Variants in SSPN observed in about 807,000 individuals in gnomAD.
SSPN encodes K-ras oncogene-associated protein.
SSPN carries 15 observed loss-of-function variants against 19.1 expected under a neutral mutation model. That is an observed-to-expected ratio of 0.78 (90% CI 0.52 to 1.21). The LOEUF (loss-of-function observed/expected upper bound fraction) is 1.21. Among genes scored for constraint, SSPN ranks in the 50% most tolerant of loss-of-function variants. The pLI is 0.00. For synonymous variants in SSPN, 147 were observed against 140.3 expected, an observed-to-expected ratio of 1.05 and a Z score of -0.34; for missense variants, 291 against 314.0, an observed-to-expected ratio of 0.93 and a Z score of 0.55.
Position 26,201,038 on chromosome 12 carries a change from T to TA in SSPN, c.279+5088dup, listed in dbSNP as rs1565685504. On this transcript the variant is annotated intron_variant, in intron 1 of 2. Coordinates refer to ENST00000242729, the MANE Select transcript of SSPN (RefSeq NM_005086.5). ...ATATATATATATATATATATATATA[T>TA]ATATATATTATATATATATATTTGG... Among the ~76,000 whole-genome samples, 66 of 59,866 alleles carry TA rather than the reference T, an allele frequency of 1.1e-3. 1 individual carries two copies. The highest frequency in any genetic ancestry group is 1.0e-3 in the Admixed American group (5 of 4,764). 39.3% of individuals were successfully genotyped at this position (59,866 alleles called of 152,430 possible).
At chr12:26,183,748 G>T (rs892044609) in intron 1 of SSPN, among the ~76,000 whole-genome samples, 2 of 152,184 alleles carry the variant, frequency 1.3e-5, no homozygotes, top group African/African-American at 4.8e-5. Flanking sequence ...AGGGAATGCC[G>T]CAAGTTGCTG....
intron 1 of SSPN, among the ~76,000 whole-genome samples, chr12:26,168,798 A>G (rs1272364016): frequency 6.6e-6 from 1 of 152,216 alleles, no homozygotes; most frequent in African/African-American, 2.4e-5. Flanking sequence ...GTGATTGGTT[A>G]GATGGAGGGC....
intron 1 of SSPN, among the ~76,000 whole-genome samples, chr12:26,217,806 A>C (rs1177127131): frequency 6.6e-6 from 1 of 152,022 alleles, no homozygotes; most frequent in Admixed American, 6.6e-5. Context: ...ATTTTGCCAA[A>C]GGCTTTTTCT....
At chr12:26,124,973 C>T (rs1944351285) in intron 1 of SSPN, 1 of 663,546 alleles carries the variant, frequency 1.5e-6, no homozygotes, top group Non-Finnish European at 2.7e-6. Context: ...CACACACGCA[C>T]ACACACGCAC....
At chr12:26,211,498 G>A (rs954864269) in intron 1 of SSPN, 1 of 152,184 alleles carries the variant, frequency 6.6e-6, no homozygotes, top group Non-Finnish European at 1.5e-5. Flanking sequence ...TAGTCACTTT[G>A]TGCTGGCACA....
chr12:26,155,503 A>AT (rs1285940146), intron 1 of SSPN, among the ~76,000 whole-genome samples: 1 of 152,192 alleles, frequency 6.6e-6, no homozygotes, highest in African/African-American at 2.4e-5. Context: ...CTCAAAAGCA[A>AT]TAGGTATATT....
chr12:26,215,150 C>T (rs1209925029), intron 1 of SSPN, among the ~76,000 whole-genome samples: 1 of 152,142 alleles, frequency 6.6e-6, no homozygotes, highest in Non-Finnish European at 1.5e-5. Flanking sequence ...CGGTCCCTAC[C>T]ACAGTAAAGG....
chr12:26,230,333 A>G (rs1327157651), intron 2 of SSPN, among the ~76,000 whole-genome samples: 3 of 152,218 alleles, frequency 2.0e-5, no homozygotes, highest in Non-Finnish European at 4.4e-5. Context: ...TTCAGTCTTA[A>G]TATCAGAAGT....
At chr12:26,147,974 ATATT>A (rs770165974) in intron 1 of SSPN, among the ~76,000 whole-genome samples, 7 of 152,238 alleles carry the variant, frequency 4.6e-5, no homozygotes, top group Non-Finnish European at 7.3e-5. Flanking sequence ...ATATATCTTA[ATATT>A]TATTTAATGA....
intron 1 of SSPN, among the ~76,000 whole-genome samples, chr12:26,137,636 G>GTGTATATATATATATATATATATATATA (rs1555175653): frequency 3.2e-5 from 1 of 31,380 alleles, no homozygotes; most frequent in African/African-American, 1.3e-4. Flanking sequence ...GTGTGTGTAT[G>GTGTATATATATATATATATATATATATA]TATATATATA....
intron 1 of SSPN, among the ~76,000 whole-genome samples, chr12:26,169,032 A>G (rs1319732934): frequency 3.2e-5 from 1 of 31,570 alleles, no homozygotes; most frequent in Non-Finnish European, 5.3e-5. Flanking sequence ...CCTCATTTTG[A>G]AAAAAAAAAC....
At chr12:26,204,103 A>G (rs1274299636) in intron 1 of SSPN, among the ~76,000 whole-genome samples, 1 of 152,126 alleles carries the variant, frequency 6.6e-6, no homozygotes, top group African/African-American at 2.4e-5. Flanking sequence ...AGGGTTATAC[A>G]TTTGCACAGC....
intron 1 of SSPN, among the ~76,000 whole-genome samples, chr12:26,189,144 A>G (rs1319412526): frequency 3.3e-5 from 5 of 152,196 alleles, no homozygotes; most frequent in Non-Finnish European, 7.3e-5. Flanking sequence ...TTCATAGCCT[A>G]TAAAGATACA....
chr12:26,128,303 C>G (rs972510665), intron 1 of SSPN, among the ~76,000 whole-genome samples: 1 of 152,176 alleles, frequency 6.6e-6, no homozygotes, highest in Non-Finnish European at 1.5e-5. Flanking sequence ...AGCATTGGAG[C>G]TGATGACAGA....
chr12:26,133,469 G>T (rs1477693761), intron 1 of SSPN, among the ~76,000 whole-genome samples: 1 of 152,022 alleles, frequency 6.6e-6, no homozygotes, highest in African/African-American at 2.4e-5. Context: ...TAACAGTTAG[G>T]GTCTAGTAAG....
chr12:26,142,253 A>G (rs889177737), intron 1 of SSPN, among the ~76,000 whole-genome samples: 17 of 152,306 alleles, frequency 1.1e-4, no homozygotes, highest in African/African-American at 4.1e-4. Context: ...ATGTATTCTG[A>G]TGACACTGTT....
At chr12:26,132,762 A>C (rs1489085689) in intron 1 of SSPN, among the ~76,000 whole-genome samples, 1 of 152,088 alleles carries the variant, frequency 6.6e-6, no homozygotes, top group Non-Finnish European at 1.5e-5. Flanking sequence ...ACCTCCCTTG[A>C]CAAGTATGAT....
At chr12:26,219,911 T>C (rs983213311) in intron 1 of SSPN, among the ~76,000 whole-genome samples, 1 of 152,126 alleles carries the variant, frequency 6.6e-6, no homozygotes, top group African/African-American at 2.4e-5. Context: ...CCTTTTCCTG[T>C]GCCATGGGCT....
At chr12:26,133,276 T>C (rs1944406311) in intron 1 of SSPN, among the ~76,000 whole-genome samples, 1 of 152,138 alleles carries the variant, frequency 6.6e-6, no homozygotes, top group African/African-American at 2.4e-5. Flanking sequence ...AAACGAAGAA[T>C]GCGGTGATCA....
Sources: gnomAD v4.1 joint callset for allele counts (sites outside exome capture counted in the v4.1 genomes callset) on GRCh38, gnomAD v4.1.1 for gene constraint, MANE v1.5 for transcripts, NCBI Gene and HGNC (gene_info 2026-07-23, HGNC 2026-07-21) for gene names.